Variants in ARHGAP21 observed in about 807,000 individuals in gnomAD.
The protein encoded by ARHGAP21 is rho GTPase-activating protein 21.
In ARHGAP21, 38 loss-of-function variants were observed where a neutral mutation model predicts 164.6. The observed-to-expected ratio is 0.23, with a 90% CI of 0.18 to 0.30. The LOEUF (loss-of-function observed/expected upper bound fraction) is 0.30, where lower values mean the gene tolerates loss of function less well. Among genes scored for constraint, ARHGAP21 ranks in the 10% least tolerant of loss-of-function variants. The probability of loss-of-function intolerance (pLI) is 1.00; values close to 1 mark genes in which losing one functional copy is unlikely to be tolerated. For synonymous variants in ARHGAP21, 766 were observed against 857.9 expected, an observed-to-expected ratio of 0.89 and a Z score of 1.87; for missense variants, 1,822 against 2,370.7, an observed-to-expected ratio of 0.77 and a Z score of 4.81.
At chr10:24,659,968 T>A (rs1457252205) in intron 4 of ARHGAP21, among the ~76,000 whole-genome samples, 3 of 152,070 alleles carry the variant, frequency 2.0e-5, no homozygotes, top group Non-Finnish European at 4.4e-5. Flanking sequence ...GTTGAGAAGG[T>A]TAAATGAGTT....
chr10:24,714,416 C>T (rs571286285), intron 2 of ARHGAP21: 4 of 152,228 alleles, frequency 2.6e-5, no homozygotes, highest in South Asian at 4.1e-4. Context: ...TAACAATTTA[C>T]GGAGAAATTC....
At chr10:24,615,168 CAACGA>C in intron 9 of ARHGAP21, among the ~76,000 whole-genome samples, 1 of 152,220 alleles carries the variant, frequency 6.6e-6, no homozygotes, top group South Asian at 2.1e-4. Flanking sequence ...CCAGTTTAGG[CAACGA>C]AAGTGAAATT....
intron 14 of ARHGAP21, among the ~76,000 whole-genome samples, chr10:24,598,440 C>T (rs1350413075): frequency 6.6e-6 from 1 of 152,070 alleles, no homozygotes; most frequent in East Asian, 1.9e-4. Context: ...AACAGACTGC[C>T]AGAATTTGTT....
At chr10:24,622,675 CA>C in intron 8 of ARHGAP21, 57 bp downstream of exon 8, 1 of 1,548,626 alleles carries the variant, frequency 6.5e-7, no homozygotes, top group Non-Finnish European at 8.8e-7. Flanking sequence ...TGGCTTATTA[CA>C]AATCTCTACA....
chr10:24,706,222 G>C (rs886229082), intron 2 of ARHGAP21, among the ~76,000 whole-genome samples: 3 of 152,010 alleles, frequency 2.0e-5, no homozygotes, highest in South Asian at 2.1e-4. Flanking sequence ...TGCTTTAATT[G>C]TTGGCCACTT....
chr10:24,712,898 C>G (rs1434411841), intron 2 of ARHGAP21, among the ~76,000 whole-genome samples: 1 of 151,910 alleles, frequency 6.6e-6, no homozygotes, highest in Non-Finnish European at 1.5e-5. Flanking sequence ...TCTCACTGAT[C>G]TGCCTTATAC....
intron 2 of ARHGAP21, among the ~76,000 whole-genome samples, chr10:24,697,379 A>G (rs776730921): frequency 1.3e-5 from 2 of 152,100 alleles, no homozygotes; most frequent in African/African-American, 2.4e-5. Flanking sequence ...AAAGAAAAGA[A>G]AGAGACACCT....
chr10:24,601,035 G>A (rs1378609267), intron 13 of ARHGAP21, 105 bp from the exon 14 acceptor site: 2 of 1,314,792 alleles, frequency 1.5e-6, no homozygotes, highest in Non-Finnish European at 2.1e-6. Flanking sequence ...CATATAACTA[G>A]TGTAGCAGGT....
intron 2 of ARHGAP21, among the ~76,000 whole-genome samples, chr10:24,672,140 T>C (rs1840766686): frequency 6.6e-6 from 1 of 152,084 alleles, no homozygotes; most frequent in South Asian, 2.1e-4. Context: ...TTCCAATTCT[T>C]TTCCTTCCAT....
chr10:24,649,407 A>G (rs576810925), intron 4 of ARHGAP21, among the ~76,000 whole-genome samples: 2 of 152,320 alleles, frequency 1.3e-5, no homozygotes, highest in South Asian at 2.1e-4. Flanking sequence ...AGGAATCTCT[A>G]TCAGGAGACT....
chr10:24,649,193 C>T (rs1837908366), intron 4 of ARHGAP21, among the ~76,000 whole-genome samples: 1 of 152,202 alleles, frequency 6.6e-6, no homozygotes, highest in Non-Finnish European at 1.5e-5. Context: ...TATCCATGTA[C>T]TAGCTAACTG....
chr10:24,631,550 T>C (rs558309614), intron 6 of ARHGAP21, among the ~76,000 whole-genome samples: 2 of 152,306 alleles, frequency 1.3e-5, no homozygotes, highest in South Asian at 2.1e-4. Flanking sequence ...CTTGACAGAT[T>C]TGAATCATTA....
At chr10:24,652,647 G>A (rs1032408603) in intron 4 of ARHGAP21, among the ~76,000 whole-genome samples, 1 of 152,104 alleles carries the variant, frequency 6.6e-6, no homozygotes, top group Non-Finnish European at 1.5e-5. Flanking sequence ...GAACTGACAG[G>A]TAAAATCCAA....
intron 2 of ARHGAP21, among the ~76,000 whole-genome samples, chr10:24,672,175 G>A (rs1021189815): frequency 1.2e-4 from 18 of 151,960 alleles, no homozygotes; most frequent in African/African-American, 4.3e-4. Context: ...TTTAAATCAG[G>A]CTTTTATCTG....
intron 4 of ARHGAP21, among the ~76,000 whole-genome samples, chr10:24,664,554 C>CAAA (rs905581787): frequency 3.0e-4 from 41 of 136,298 alleles, no homozygotes; most frequent in African/African-American, 7.1e-4. Flanking sequence ...GATTCCGTCT[C>CAAA]AAAAAAAAAA....
chr10:24,673,618 T>G (rs1459553738), intron 2 of ARHGAP21, among the ~76,000 whole-genome samples: 4 of 152,132 alleles, frequency 2.6e-5, no homozygotes, highest in African/African-American at 4.8e-5. Flanking sequence ...TCCCAGCACT[T>G]TGGGAGGCCG....
chr10:24,696,941 T>C (rs573766016), intron 2 of ARHGAP21, among the ~76,000 whole-genome samples: 3 of 152,312 alleles, frequency 2.0e-5, no homozygotes, highest in African/African-American at 7.2e-5. Context: ...AAGATATTGC[T>C]ATAGGTCTGG....
intron 4 of ARHGAP21, among the ~76,000 whole-genome samples, chr10:24,659,961 G>A (rs937684355): frequency 6.6e-6 from 1 of 152,144 alleles, no homozygotes; most frequent in Non-Finnish European, 1.5e-5. Flanking sequence ...AGAAGCTGTT[G>A]AGAAGGTTAA....
intron 2 of ARHGAP21, among the ~76,000 whole-genome samples, chr10:24,714,549 A>G (rs150300029): frequency 9.2e-5 from 14 of 152,332 alleles, no homozygotes; most frequent in Admixed American, 3.9e-4. Context: ...TACTGCCATC[A>G]TTCTCAATTC....
Sources: gnomAD v4.1 joint callset for allele counts (sites outside exome capture counted in the v4.1 genomes callset) on GRCh38, gnomAD v4.1.1 for gene constraint, MANE v1.5 for transcripts, NCBI Gene and HGNC (gene_info 2026-07-23, HGNC 2026-07-21) for gene names.